The following DNER variants were observed in gnomAD, a reference collection of about 807,000 sequenced individuals.
DNER encodes delta/notch like EGF repeat containing.
DNER carries 33 observed loss-of-function variants against 78.2 expected under a neutral mutation model. The ratio of observed to expected loss-of-function variants is 0.42; its 90% confidence interval spans 0.32 to 0.56. The LOEUF is 0.56. DNER is among the 20% of genes least tolerant of loss of function. The pLI is 0.11. For missense variants in DNER, 918 were observed against 975.3 expected (o/e 0.94, Z 0.78); for synonymous variants, 417 against 384.8 (o/e 1.08, Z -0.98).
intron 10 of DNER, among the ~76,000 whole-genome samples, chr2:229,391,688 T>G (rs1693019481): frequency 6.6e-6 from 1 of 152,116 alleles, no homozygotes; most frequent in Non-Finnish European, 1.5e-5. Flanking sequence ...ATTACAGGCG[T>G]GTGCCACCAT....
chr2:229,608,947 G>A (rs1326024114), intron 1 of DNER, among the ~76,000 whole-genome samples: 2 of 152,118 alleles, frequency 1.3e-5, no homozygotes, highest in Non-Finnish European at 2.9e-5. Context: ...TCTTGGTCGG[G>A]CACAGTGGCT....
At chr2:229,548,089 C>A (rs1696659540) in intron 4 of DNER, among the ~76,000 whole-genome samples, 1 of 152,066 alleles carries the variant, frequency 6.6e-6, no homozygotes, top group Admixed American at 6.5e-5. Flanking sequence ...ATTACAAAGC[C>A]ACATTCATAG....
At position 229,393,257 on chromosome 2, in the gene DNER, G is replaced by A. The variant is rs143238161; in HGVS notation, c.1724-4861C>T. ...AGCCTGGGCAACATGGCGAAACCCC[G>A]TCTCTACTAAAAATACAAAAATTAG... On this transcript the variant is annotated intron_variant, in intron 10 of 12. Coordinates refer to ENST00000341772, the MANE Select transcript of DNER (RefSeq NM_139072.4). Among the ~76,000 whole-genome samples, 1,349 of 151,832 alleles carry A rather than the reference G, an allele frequency of 8.9e-3. 28 individuals are homozygous for A. Among genetic ancestry groups the A allele is most frequent in the African/African-American group, 0.031 (1,302 of 41,424 alleles).
intron 11 of DNER, among the ~76,000 whole-genome samples, chr2:229,378,886 C>A (rs2106331381): frequency 6.6e-6 from 1 of 152,272 alleles, no homozygotes; most frequent in South Asian, 2.1e-4. Context: ...AGACACGAGC[C>A]ACTGGTTTCA....
chr2:229,447,167 A>G, intron 8 of DNER, 149 bp downstream of exon 8: 1 of 695,972 alleles, frequency 1.4e-6, no homozygotes, highest in Non-Finnish European at 2.3e-6. Context: ...TCACAAGTAT[A>G]TCAGTAAGTA....
intron 4 of DNER, among the ~76,000 whole-genome samples, chr2:229,565,420 C>T (rs1264373779): frequency 6.6e-6 from 1 of 152,080 alleles, no homozygotes; most frequent in Middle Eastern, 3.2e-3. Flanking sequence ...ATAATTCATG[C>T]CCCGTCTCTC....
At chr2:229,524,550 G>T (rs1696164287) in intron 5 of DNER, among the ~76,000 whole-genome samples, 1 of 152,194 alleles carries the variant, frequency 6.6e-6, no homozygotes, top group Non-Finnish European at 1.5e-5. Context: ...GTGAGGCAAT[G>T]AAATCAAATC....
At chr2:229,612,255 G>C (rs1343625404) in intron 1 of DNER, among the ~76,000 whole-genome samples, 1 of 152,156 alleles carries the variant, frequency 6.6e-6, no homozygotes, top group Admixed American at 6.5e-5. Flanking sequence ...GTGGAATTGG[G>C]ATCTCTGGTC....
rs1177739657 is a variant in DNER, at chr2:229,546,539, C to T, written c.993+408G>A. On this transcript the variant is annotated intron_variant, in intron 5 of 12. Coordinates refer to ENST00000341772, the MANE Select transcript of DNER (RefSeq NM_139072.4). ...TGGCTGGAGGCCAGGAGTTCCAGAC[C>T]AGCCTGGCCAACATGGCAAAACCCC... Among the ~76,000 whole-genome samples the T allele has an allele frequency of 3.3e-5, 5 of 152,200 alleles. No homozygotes were observed. In the East Asian group the frequency reaches 9.6e-4, roughly 29 times the overall value.
intron 1 of DNER, among the ~76,000 whole-genome samples, chr2:229,699,629 T>C (rs1230363373): frequency 6.6e-6 from 1 of 152,202 alleles, no homozygotes; most frequent in Non-Finnish European, 1.5e-5. Context: ...CTTCCCAAAG[T>C]GCTTGGGATT....
chr2:229,506,204 A>G lies in DNER; in HGVS notation c.1147+6579T>C, dbSNP rs1230185713. Reference sequence around the variant, plus strand: ...TTCCACAGGGCTGGGGGGCCTCAAGAAACTTACAATCATGGAGGAAGAGTA... The same window carrying G: ...TTCCACAGGGCTGGGGGGCCTCAAGGAACTTACAATCATGGAGGAAGAGTA... On this transcript the variant is annotated intron_variant, in intron 6 of 12. Coordinates refer to ENST00000341772, the MANE Select transcript of DNER (RefSeq NM_139072.4). Among the ~76,000 whole-genome samples the G allele has an allele frequency of 2.6e-5, 4 of 152,222 alleles. No homozygotes were observed. The East Asian group carries it at 7.7e-4, about 29-fold the overall frequency.
intron 1 of DNER, among the ~76,000 whole-genome samples, chr2:229,621,761 G>T (rs948002649): frequency 2.6e-5 from 4 of 152,122 alleles, no homozygotes; most frequent in Non-Finnish European, 1.5e-5. Flanking sequence ...AGCTCAGAAG[G>T]CTCCCAAGGG....
chr2:229,684,169 AGTGTGTGTGTGTGT>A (rs59016911), intron 1 of DNER, among the ~76,000 whole-genome samples: 18 of 94,602 alleles, frequency 1.9e-4, no homozygotes, highest in African/African-American at 6.8e-4. Flanking sequence ...AGAGAGAGAG[AGTGTGTGTGTGTGT>A]GTGTGTGTGT....
intron 7 of DNER, among the ~76,000 whole-genome samples, chr2:229,463,876 G>T (rs1694751183): frequency 6.6e-6 from 1 of 152,340 alleles, no homozygotes; most frequent in Non-Finnish European, 1.5e-5. Flanking sequence ...GAGAGAACAC[G>T]TTGAGGCCAT....
chr2:229,682,761 T>A (rs1490069408), intron 1 of DNER, among the ~76,000 whole-genome samples: 1 of 152,074 alleles, frequency 6.6e-6, no homozygotes, highest in East Asian at 1.9e-4. Flanking sequence ...GGCAGGAGAA[T>A]CACTTGAACC....
At chr2:229,673,375 G>A (rs1311971161) in intron 1 of DNER, among the ~76,000 whole-genome samples, 1 of 152,164 alleles carries the variant, frequency 6.6e-6, no homozygotes, top group East Asian at 1.9e-4. Flanking sequence ...CCTTTAATGA[G>A]TCCTGTGAAA....
chr2:229,365,329 C>G (rs938670525), intron 12 of DNER, among the ~76,000 whole-genome samples: 1 of 152,112 alleles, frequency 6.6e-6, no homozygotes, highest in Non-Finnish European at 1.5e-5. Flanking sequence ...CCTCTACGGG[C>G]CTGCCCAGGT....
intron 10 of DNER, among the ~76,000 whole-genome samples, chr2:229,388,749 C>T (rs1042515031): frequency 4.1e-5 from 6 of 146,820 alleles, no homozygotes; most frequent in African/African-American, 1.2e-4. Flanking sequence ...TAAATCTTTC[C>T]GGGTTGATCA....
At chr2:229,505,602 C>A (rs1695722526) in intron 6 of DNER, among the ~76,000 whole-genome samples, 1 of 152,062 alleles carries the variant, frequency 6.6e-6, no homozygotes, top group East Asian at 1.9e-4. Context: ...TCAAGGAGAG[C>A]AGAAATGAAT....
Sources: gnomAD v4.1 joint callset for allele counts (sites outside exome capture counted in the v4.1 genomes callset) on GRCh38, gnomAD v4.1.1 for gene constraint, MANE v1.5 for transcripts, NCBI Gene and HGNC (gene_info 2026-07-23, HGNC 2026-07-21) for gene names.